The following TFG variants were observed in gnomAD, a reference collection of about 807,000 sequenced individuals.
The protein encoded by TFG is trafficking from ER to golgi regulator, also known as protein TFG.
A neutral mutation model predicts 51.4 loss-of-function variants in TFG; 22 were observed. The ratio of observed to expected loss-of-function variants is 0.43; its 90% CI spans 0.31 to 0.61. The LOEUF is 0.61. Among genes scored for constraint, TFG ranks in the 20% least tolerant of loss-of-function variants. TFG has a pLI of 0.12. For missense variants in TFG, 419 were observed against 487.7 expected, an observed-to-expected ratio of 0.86 and a Z score of 1.33; for synonymous variants, 187 against 165.6, an observed-to-expected ratio of 1.13 and a Z score of -0.99.
intron 2 of TFG, among the ~76,000 whole-genome samples, chr3:100,717,622 A>G (rs558022448): frequency 6.8e-6 from 1 of 146,198 alleles, no homozygotes; most frequent in African/African-American, 2.5e-5. Flanking sequence ...TCTTGGTTAA[A>G]CTGCTTCCTA....
chr3:100,737,798 C>T (rs1171855980), intron 6 of TFG, among the ~76,000 whole-genome samples: 1 of 152,148 alleles, frequency 6.6e-6, no homozygotes, highest in Non-Finnish European at 1.5e-5. Context: ...CCTATAATCC[C>T]AGCACTTTGG....
At chr3:100,714,634 T>A (rs558649342) in intron 2 of TFG, among the ~76,000 whole-genome samples, 1 of 152,292 alleles carries the variant, frequency 6.6e-6, no homozygotes, top group East Asian at 1.9e-4. Context: ...CTTAAAAAAA[T>A]TTTTTTTCTA....
chr3:100,713,712 G>A lies in TFG; in HGVS notation c.27G>A (p.Gly9=), dbSNP rs1480330385. The change falls in exon 2 of 8, where the codon GGG becomes GGA. Residue 9 remains glycine (G), a synonymous_variant. Transcript: ENST00000240851. MNGQLDLS[G]KLIIKAQLGE... The stretch of plus-strand genomic sequence containing the variant: ...TGAACGGACAGTTGGATCTAAGTGG[G>A]AAGCTAATCATCAAAGCTCAACTTG... The A allele has an allele frequency of 6.2e-7, 1 of 1,607,660 alleles. No homozygotes were observed. Among genetic ancestry groups the A allele is most frequent in the East Asian group, 2.2e-5 (1 of 44,802 alleles).
intron 1 of TFG, among the ~76,000 whole-genome samples, chr3:100,713,411 TGTCA>T (rs2095036303): frequency 6.6e-6 from 1 of 152,194 alleles, no homozygotes; most frequent in Non-Finnish European, 1.5e-5. Context: ...TAAATGGTCA[TGTCA>T]GATGAACAGT....
intron 2 of TFG, among the ~76,000 whole-genome samples, chr3:100,717,611 T>A (rs1426163982): frequency 1.3e-5 from 2 of 151,510 alleles, no homozygotes; most frequent in Non-Finnish European, 2.9e-5. Flanking sequence ...GTTTTTCATC[T>A]TCTTGGTTAA....
Position 100,735,887 on chromosome 3 carries a change from C to T in TFG, c.581-689C>T, listed in dbSNP as rs554901393. Among the ~76,000 whole-genome samples, 31 of 152,112 alleles carry T rather than the reference C, an allele frequency of 2.0e-4. No homozygotes were observed. In the South Asian group the frequency reaches 4.4e-3, roughly 21 times the overall value. On this transcript the variant is annotated intron_variant, in intron 5 of 7. Transcript: ENST00000240851. ...TTTAAGAGGGAAAGTGAGAGCTATT[C>T]AGAAATGCAAAGTAGAAGTCAGTAT... is the stretch of plus-strand genomic sequence containing the variant.
In TFG at chr3:100,737,218, G is replaced by A. The variant is rs141367649; in HGVS notation, c.721+502G>A. 4.8e-3 allele frequency among the ~76,000 whole-genome samples: 734 copies of A among 152,268 alleles called. 2 individuals are homozygous for A. Among genetic ancestry groups the A allele is most frequent in the Non-Finnish European group, 8.3e-3 (562 of 68,010 alleles). Reference sequence around the variant, plus strand: ...ATGTCTTTAATGGAAAAAAAGCAGTGTATTTTAAGTCAGACTTTTTCTTCT... The same window carrying A: ...ATGTCTTTAATGGAAAAAAAGCAGTATATTTTAAGTCAGACTTTTTCTTCT... On this transcript the variant is annotated intron_variant, in intron 6 of 7. Transcript: ENST00000240851.
intron 3 of TFG, among the ~76,000 whole-genome samples, chr3:100,721,857 G>A (rs1409181972): frequency 6.6e-6 from 1 of 152,200 alleles, no homozygotes; most frequent in Non-Finnish European, 1.5e-5. Context: ...GAAGGAATAA[G>A]AATATAAAAG....
chr3:100,722,154 AAAAAC>A (rs1284223820), intron 3 of TFG, among the ~76,000 whole-genome samples: 9 of 152,236 alleles, frequency 5.9e-5, no homozygotes, highest in East Asian at 3.8e-4. Context: ...CCATCTCAGA[AAAAAC>A]AAAACAAAAC....
intron 2 of TFG, among the ~76,000 whole-genome samples, chr3:100,715,294 A>G (rs946533477): frequency 6.6e-6 from 1 of 152,196 alleles, no homozygotes; most frequent in Non-Finnish European, 1.5e-5. Context: ...CACCATAGGC[A>G]TTGACATTGG....
At chr3:100,713,295 G>C (rs1238378857) in intron 1 of TFG, among the ~76,000 whole-genome samples, 2 of 152,138 alleles carry the variant, frequency 1.3e-5, no homozygotes, top group Non-Finnish European at 2.9e-5. Context: ...GATCAACCAA[G>C]ATTTTTTTGT....
chr3:100,737,055 C>A (rs984706965), intron 6 of TFG, among the ~76,000 whole-genome samples: 1 of 152,126 alleles, frequency 6.6e-6, no homozygotes, highest in Non-Finnish European at 1.5e-5. Context: ...TATTTTATCT[C>A]CCTCCTTTCT....
chr3:100,739,611 A>G (rs1470144029), intron 6 of TFG, among the ~76,000 whole-genome samples: 1 of 152,210 alleles, frequency 6.6e-6, no homozygotes. Context: ...AAAGCTGAGT[A>G]GCCTTTATTA....
At chr3:100,728,477 G>A (rs2095082055) in intron 3 of TFG, among the ~76,000 whole-genome samples, 1 of 151,502 alleles carries the variant, frequency 6.6e-6, no homozygotes, top group Non-Finnish European at 1.5e-5. Context: ...CTTTTTACCA[G>A]TAAGGTCATA....
intron 5 of TFG, 140 bp from the exon 6 acceptor site, chr3:100,736,436 A>G: frequency 1.2e-6 from 1 of 860,138 alleles, no homozygotes; most frequent in African/African-American, 1.7e-5. Context: ...AAGTACATAC[A>G]TTTAATGTAA....
rs769879097 is a variant in TFG at position 100,748,469 on chromosome 3, T to A, written c.1141T>A (p.Tyr381Asn). 6.2e-7 allele frequency: 1 copy of A among 1,614,070 alleles called. No homozygotes were observed. Among genetic ancestry groups the A allele is most frequent in the Non-Finnish European group, 8.5e-7 (1 of 1,179,988 alleles). The part of the protein sequence containing the change: ...MTPPPSGPNP[Y>N]ARNRPPFGQG... ...CCCTCCTCCAAGTGGGCCTAATCCT[T>A]ATGCGCGTAACCGTCCTCCCTTTGG... The change falls in exon 8 of 8, where the codon TAT becomes AAT. Residue 381 changes from tyrosine to asparagine, a missense_variant. Tyr to Asn is a moderately radical substitution (Grantham distance 143, BLOSUM62 -2). Around this residue, in one of 3 missense-constraint regions of TFG, gnomAD observed 391 missense variants for 434.4 expected, o/e 0.90. Transcript: ENST00000240851.
intron 7 of TFG, 144 bp from the exon 8 acceptor site, chr3:100,748,005 G>A: frequency 1.3e-6 from 1 of 741,578 alleles, no homozygotes; most frequent in African/African-American, 1.8e-5. Flanking sequence ...GAAATATTAT[G>A]TGATGGAATC....
At chr3:100,728,257 A>G (rs2095081345) in intron 3 of TFG, among the ~76,000 whole-genome samples, 1 of 152,080 alleles carries the variant, frequency 6.6e-6, no homozygotes, top group Non-Finnish European at 1.5e-5. Context: ...TTAAACATGT[A>G]TAGAGTAAGG....
At chr3:100,737,300 A>G (rs1156929650) in intron 6 of TFG, among the ~76,000 whole-genome samples, 1 of 152,190 alleles carries the variant, frequency 6.6e-6, no homozygotes, top group African/African-American at 2.4e-5. Flanking sequence ...ATATTCTTTC[A>G]CTGTAAAATG....
Sources: gnomAD v4.1 joint callset for allele counts (sites outside exome capture counted in the v4.1 genomes callset) on GRCh38, gnomAD v4.1.1 for gene constraint, gnomAD v4.1.1 regional missense constraint, MANE v1.5 for transcripts, NCBI Gene and HGNC (gene_info 2026-07-23, HGNC 2026-07-21) for gene names.